TIAM2: variants seen among roughly 807,000 people sequenced by gnomAD.
The protein encoded by TIAM2 is rho guanine nucleotide exchange factor TIAM2.
A neutral mutation model predicts 152.9 loss-of-function variants in TIAM2; 80 were observed. The ratio of observed to expected loss-of-function variants is 0.52; its 90% CI spans 0.44 to 0.63. The LOEUF (loss-of-function observed/expected upper bound fraction) is 0.63. Among genes scored for constraint, TIAM2 ranks in the 30% least tolerant of loss-of-function variants. The pLI is 0.00. For synonymous variants in TIAM2, 804 were observed against 838.0 expected (o/e 0.96, Z 0.70); for missense variants, 1,965 against 2,120.1 (o/e 0.93, Z 1.44).
rs778703919 is a variant in TIAM2, at chr6:155,251,002, C to T, written c.4041C>T (p.Asp1347=). ...TGTCTCTAGGAAAAGCTAGAAAGGA[C>T]CTTGAGCTCACAGTATTTGGTTAGT... ...PFLSLGKARK[D]LELTVFVFKR... is the part of the protein sequence containing the mutation. The change falls in exon 22 of 27, where the codon GAC becomes GAT. Residue 1347 remains aspartate, a synonymous_variant. Transcript: ENST00000682666. The T allele has an allele frequency of 6.2e-7, 1 of 1,614,090 alleles. No homozygotes were observed. The highest frequency in any genetic ancestry group is 8.5e-7 in the Non-Finnish European group (1 of 1,179,982).
intron 14 of TIAM2, among the ~76,000 whole-genome samples, chr6:155,208,220 A>G (rs1221363981): frequency 6.6e-6 from 1 of 152,238 alleles, no homozygotes; most frequent in Non-Finnish European, 1.5e-5. Context: ...AGGTAAAGGC[A>G]GCACTAATGC....
At chr6:155,249,306 T>C (rs887604679) in intron 20 of TIAM2, among the ~76,000 whole-genome samples, 4 of 152,208 alleles carry the variant, frequency 2.6e-5, no homozygotes, top group Admixed American at 2.0e-4. Context: ...CAGTCAGTCA[T>C]GTACTGGGGT....
chr6:155,241,343 G>C (rs974088772), intron 16 of TIAM2, among the ~76,000 whole-genome samples: 1 of 152,150 alleles, frequency 6.6e-6, no homozygotes, highest in African/African-American at 2.4e-5. Flanking sequence ...TTGTTTCCTG[G>C]AGCTTTGGTA....
chr6:155,107,689 G>A (rs1183799913), intron 2 of TIAM2, among the ~76,000 whole-genome samples: 5 of 152,180 alleles, frequency 3.3e-5, no homozygotes, highest in Admixed American at 3.3e-4. Context: ...TCGCTGTTTA[G>A]TATCGTTTGT....
At chr6:155,201,515 T>C (rs1781470976) in intron 14 of TIAM2, among the ~76,000 whole-genome samples, 2 of 152,226 alleles carry the variant, frequency 1.3e-5, no homozygotes, top group South Asian at 4.1e-4. Context: ...TCATTGACTG[T>C]GTATTTTTCA....
At chr6:155,114,036 A>ATATATTTTTTTTTTTTTTTTTTTTTT in intron 2 of TIAM2, among the ~76,000 whole-genome samples, 2 of 34,906 alleles carry the variant, frequency 5.7e-5, no homozygotes, top group East Asian at 7.1e-4. Flanking sequence ...ATATATATAT[A>ATATATTTTTTTTTTTTTTTTTTTTTT]TTTTTTTTTT....
intron 15 of TIAM2, among the ~76,000 whole-genome samples, chr6:155,234,023 A>G (rs927181213): frequency 1.3e-5 from 2 of 151,908 alleles, no homozygotes; most frequent in Non-Finnish European, 2.9e-5. Flanking sequence ...TTGGGGTTCA[A>G]TATCATTGCT....
intron 6 of TIAM2, among the ~76,000 whole-genome samples, chr6:155,147,647 G>A (rs1032995437): frequency 1.2e-4 from 19 of 152,234 alleles, no homozygotes; most frequent in African/African-American, 3.1e-4. Flanking sequence ...CACCACGCCC[G>A]GCTAATTTTT....
intron 1 of TIAM2, among the ~76,000 whole-genome samples, chr6:155,089,078 G>GA (rs554362794): frequency 2.0e-5 from 3 of 151,492 alleles, no homozygotes; most frequent in African/African-American, 4.8e-5. Flanking sequence ...TTTAAACAAT[G>GA]AAAAAAAAGA....
intron 1 of TIAM2, chr6:155,022,232 C>T (rs1472013050): frequency 6.6e-6 from 1 of 152,030 alleles, no homozygotes; most frequent in African/African-American, 2.4e-5. Context: ...AGCTCTGTAC[C>T]AACAGCTGTA....
intron 1 of TIAM2, among the ~76,000 whole-genome samples, chr6:155,036,224 G>A (rs1287643808): frequency 6.6e-6 from 1 of 152,056 alleles, no homozygotes; most frequent in Non-Finnish European, 1.5e-5. Flanking sequence ...ATTTGTTCCT[G>A]GTTTCTTTCT....
At chr6:155,117,600 G>A (rs569911888) in intron 2 of TIAM2, among the ~76,000 whole-genome samples, 2 of 152,198 alleles carry the variant, frequency 1.3e-5, no homozygotes, top group African/African-American at 4.8e-5. Context: ...GTGCCACCAC[G>A]CCTGACTAAT....
At chr6:155,020,876 T>A (rs1233987205) in intron 1 of TIAM2, among the ~76,000 whole-genome samples, 2 of 152,180 alleles carry the variant, frequency 1.3e-5, no homozygotes, top group African/African-American at 2.4e-5. Context: ...CTGTACCCCG[T>A]TAAACAATAC....
chr6:155,028,219 T>A (rs1394971138), intron 1 of TIAM2, among the ~76,000 whole-genome samples: 1 of 129,718 alleles, frequency 7.7e-6, no homozygotes. Flanking sequence ...TGTACTGTGT[T>A]ACATATATAC....
intron 1 of TIAM2, among the ~76,000 whole-genome samples, chr6:155,046,225 C>T (rs1360071186): frequency 6.6e-6 from 1 of 151,860 alleles, no homozygotes; most frequent in Non-Finnish European, 1.5e-5. Context: ...GCTGGCTTCT[C>T]TTCCTGTTTC....
intron 1 of TIAM2, among the ~76,000 whole-genome samples, chr6:155,010,984 T>C (rs13201764): frequency 0.15 from 21,891 of 150,528 alleles, 1,640 homozygotes; most frequent in Middle Eastern, 0.18. Context: ...GCGGAGGTTG[T>C]GGTGAGCTGA....
chr6:155,227,270 G>A (rs1782282798), intron 15 of TIAM2, among the ~76,000 whole-genome samples: 1 of 152,196 alleles, frequency 6.6e-6, no homozygotes, highest in Non-Finnish European at 1.5e-5. Context: ...CTAGGCATGC[G>A]GAATGGCTTT....
chr6:155,096,849 T>C (rs1396451352), intron 2 of TIAM2, among the ~76,000 whole-genome samples: 1 of 152,242 alleles, frequency 6.6e-6, no homozygotes, highest in East Asian at 1.9e-4. Context: ...TGGTTTTCTT[T>C]CTTTTGGATC....
intron 16 of TIAM2, 115 bp from the exon 17 acceptor site, chr6:155,243,896 A>T (rs1783182476): frequency 1.5e-6 from 1 of 652,796 alleles, no homozygotes; most frequent in Non-Finnish European, 2.7e-6. Flanking sequence ...ACAAGGCATA[A>T]ACTTCATTAT....
Sources: gnomAD v4.1 joint callset for allele counts (sites outside exome capture counted in the v4.1 genomes callset) on GRCh38, gnomAD v4.1.1 for gene constraint, MANE v1.5 for transcripts, NCBI Gene and HGNC (gene_info 2026-07-23, HGNC 2026-07-21) for gene names.